Variants in DLG2 observed in about 807,000 individuals in gnomAD.
The protein encoded by DLG2 is disks large homolog 2.
DLG2 carries 45 observed loss-of-function variants against 132.5 expected under a neutral mutation model. The ratio of observed to expected loss-of-function variants is 0.34; its 90% CI spans 0.27 to 0.44. The LOEUF (loss-of-function observed/expected upper bound fraction) is 0.44, where lower values mean the gene tolerates loss of function less well. Among genes scored for constraint, DLG2 ranks in the 20% least tolerant of loss-of-function variants. DLG2 has a pLI of 1.00. For missense variants in DLG2, 1,045 were observed against 1,196.9 expected (o/e 0.87, Z 1.87); for synonymous variants, 424 against 419.6 (o/e 1.01, Z -0.13).
At chr11:84,425,875 C>T (rs2098964771) in intron 7 of DLG2, among the ~76,000 whole-genome samples, 1 of 152,102 alleles carries the variant, frequency 6.6e-6, no homozygotes, top group Admixed American at 6.6e-5. Flanking sequence ...ATTCAATTCA[C>T]AGCAGGAACA....
At chr11:83,965,576 T>G in intron 12 of DLG2, 108 bp from the exon 13 acceptor site, 1 of 855,322 alleles carries the variant, frequency 1.2e-6, no homozygotes, top group South Asian at 1.7e-5. Context: ...TACTGTCCAG[T>G]ATCCTTGACA....
intron 3 of DLG2, among the ~76,000 whole-genome samples, chr11:85,358,620 A>G (rs1002538744): frequency 1.3e-5 from 2 of 152,222 alleles, no homozygotes; most frequent in Non-Finnish European, 2.9e-5. Flanking sequence ...AGCACATGCT[A>G]TATATTGTCT....
chr11:85,043,255 C>A (rs2062028077), intron 6 of DLG2, among the ~76,000 whole-genome samples: 1 of 151,774 alleles, frequency 6.6e-6, no homozygotes, highest in Non-Finnish European at 1.5e-5. Flanking sequence ...AGTTCCCAAG[C>A]TGAAATTACT....
At chr11:85,113,709 C>T (rs1185150590) in intron 5 of DLG2, among the ~76,000 whole-genome samples, 1 of 151,978 alleles carries the variant, frequency 6.6e-6, no homozygotes, top group Non-Finnish European at 1.5e-5. Flanking sequence ...ACACTTTAGA[C>T]CACACTTTTC....
intron 5 of DLG2, among the ~76,000 whole-genome samples, chr11:85,151,113 T>C (rs1356958277): frequency 7.2e-5 from 11 of 152,196 alleles, no homozygotes; most frequent in Non-Finnish European, 1.5e-5. Flanking sequence ...ATTTCCCTCA[T>C]GATTAGTGGG....
chr11:85,024,840 C>T (rs2060380097), intron 6 of DLG2, among the ~76,000 whole-genome samples: 1 of 152,126 alleles, frequency 6.6e-6, no homozygotes, highest in Non-Finnish European at 1.5e-5. Context: ...TCAGGTTTCT[C>T]AAAATGTCTG....
At chr11:85,216,661 C>G (rs959153103) in intron 4 of DLG2, among the ~76,000 whole-genome samples, 5 of 151,944 alleles carry the variant, frequency 3.3e-5, no homozygotes, top group African/African-American at 7.3e-5. Context: ...ATCTTAGGGT[C>G]GGTCACCTAG....
chr11:84,659,419 T>C (rs1253977319), intron 6 of DLG2, among the ~76,000 whole-genome samples: 1 of 152,124 alleles, frequency 6.6e-6, no homozygotes, highest in African/African-American at 2.4e-5. Flanking sequence ...AATATATCTC[T>C]TGACTACCAA....
chr11:84,873,232 G>A (rs1384104615), intron 6 of DLG2, among the ~76,000 whole-genome samples: 1 of 152,128 alleles, frequency 6.6e-6, no homozygotes, highest in Non-Finnish European at 1.5e-5. Context: ...TAGAAAAGAA[G>A]ATGTGATGAC....
intron 20 of DLG2, among the ~76,000 whole-genome samples, chr11:83,533,834 A>G (rs1384008382): frequency 6.6e-6 from 1 of 152,178 alleles, no homozygotes; most frequent in Non-Finnish European, 1.5e-5. Flanking sequence ...ATAAGCTCTT[A>G]GAGGATATGA....
chr11:84,600,130 A>C (rs1343711370), intron 6 of DLG2, among the ~76,000 whole-genome samples: 1 of 147,198 alleles, frequency 6.8e-6, no homozygotes, highest in Non-Finnish European at 1.5e-5. Context: ...AAGAAAGAGA[A>C]AGAAAGAAAG....
chr11:83,535,875 C>T (rs1181722985), intron 20 of DLG2, among the ~76,000 whole-genome samples: 1 of 152,164 alleles, frequency 6.6e-6, no homozygotes, highest in Non-Finnish European at 1.5e-5. Context: ...TATTATCAAT[C>T]TCATTTTATA....
chr11:83,904,859 G>A (rs368524569), intron 15 of DLG2, among the ~76,000 whole-genome samples: 4 of 152,084 alleles, frequency 2.6e-5, no homozygotes, highest in East Asian at 3.8e-4. Context: ...GGGAACTGCT[G>A]AAAATGCTTT....
At chr11:84,464,924 G>C (rs1190844298) in intron 7 of DLG2, among the ~76,000 whole-genome samples, 1 of 150,938 alleles carries the variant, frequency 6.6e-6, no homozygotes, top group African/African-American at 2.4e-5. Flanking sequence ...TCACATGAAT[G>C]ACCCTAAATA....
intron 18 of DLG2, among the ~76,000 whole-genome samples, chr11:83,638,841 T>C (rs1002494792): frequency 7.2e-5 from 11 of 152,196 alleles, no homozygotes; most frequent in Non-Finnish European, 1.5e-5. Flanking sequence ...GTGATTTCAT[T>C]CATCAGTATT....
chr11:83,510,148 T>C (rs2094929981), intron 21 of DLG2, among the ~76,000 whole-genome samples: 1 of 152,174 alleles, frequency 6.6e-6, no homozygotes, highest in African/African-American at 2.4e-5. Flanking sequence ...GAGATGACCC[T>C]GATGGTTCTT....
chr11:85,389,159 A>T (rs1048421569), intron 3 of DLG2, among the ~76,000 whole-genome samples: 1 of 152,158 alleles, frequency 6.6e-6, no homozygotes, highest in African/African-American at 2.4e-5. Flanking sequence ...AATAAATAAA[A>T]AACAATCGCA....
chr11:84,771,729 C>A (rs934982630), intron 6 of DLG2, among the ~76,000 whole-genome samples: 2 of 152,094 alleles, frequency 1.3e-5, no homozygotes. Context: ...ACAACAACCA[C>A]ACATGGAAAC....
At chr11:83,462,868 T>C (rs1233048367) in intron 26 of DLG2, among the ~76,000 whole-genome samples, 3 of 152,086 alleles carry the variant, frequency 2.0e-5, no homozygotes, top group Non-Finnish European at 4.4e-5. Context: ...AAATGAAAAA[T>C]TCTTGAATTC....
Sources: allele counts gnomAD v4.1 joint callset (sites outside exome capture counted in the v4.1 genomes callset), GRCh38; gene constraint gnomAD v4.1.1; transcripts MANE v1.5; gene names NCBI Gene and HGNC (gene_info 2026-07-23, HGNC 2026-07-21).